Variants in WSB1 observed in about 807,000 individuals in gnomAD.
The protein encoded by WSB1 is WD repeat and SOCS box containing 1.
WSB1 carries 23 observed loss-of-function variants against 50.2 expected under a neutral mutation model. The ratio of observed to expected loss-of-function variants is 0.46; its 90% confidence interval spans 0.33 to 0.65. WSB1 has a LOEUF of 0.65. WSB1 is among the 30% of genes least tolerant of loss of function. The pLI, the probability that WSB1 is intolerant of heterozygous loss-of-function variation, is 0.02. For missense variants in WSB1, 492 were observed against 522.3 expected, an observed-to-expected ratio of 0.94 and a Z score of 0.56; for synonymous variants, 179 against 172.0, an observed-to-expected ratio of 1.04 and a Z score of -0.32.
intron 3 of WSB1, 121 bp downstream of exon 3, chr17:27,303,756 G>A (rs914513963): frequency 1.7e-5 from 22 of 1,274,372 alleles, no homozygotes; most frequent in Non-Finnish European, 2.3e-5. Flanking sequence ...GATGGCATAG[G>A]TGCGTCTTTA....
intron 1 of WSB1, among the ~76,000 whole-genome samples, chr17:27,296,569 C>T (rs1298708649): frequency 6.6e-6 from 1 of 152,162 alleles, no homozygotes; most frequent in Non-Finnish European, 1.5e-5. Flanking sequence ...TTCTGTGATA[C>T]TACTGCCTTG....
In WSB1 at chr17:27,309,105, C is replaced by G. The variant is rs199550651; in HGVS notation, c.717C>G (p.Phe239Leu). The change falls in exon 6 of 9, where the codon TTC (phenylalanine) becomes TTG (leucine). Residue 239 changes from phenylalanine (F) to leucine (L), a missense_variant. Physicochemically the swap from Phe to Leu is conservative, Grantham distance 22. Transcript: ENST00000262394. ...LCSVGASKAV[F>L]LWNMDKYTMI... ...CATTTGCCTTTTTATTGCAGGTTTT[C>G]CTTTGGAATATGGATAAATACACCA... 2 of 1,594,624 alleles carry G rather than the reference C, an allele frequency of 1.3e-6. No individual in the cohort carries two copies. Among genetic ancestry groups the G allele is most frequent in the East Asian group, 4.5e-5 (2 of 44,456 alleles).
At chr17:27,294,705 C>G (rs1257940253) in intron 1 of WSB1, among the ~76,000 whole-genome samples, 2 of 152,150 alleles carry the variant, frequency 1.3e-5, no homozygotes, top group African/African-American at 4.8e-5. Context: ...GAGGTCCGCG[C>G]AGGGCTCTTG....
At position 27,312,359 on chromosome 17, in the gene WSB1, A is replaced by T; in HGVS notation, c.1256A>T (p.Tyr419Phe). 2 of 1,614,060 alleles carry T rather than the reference A, an allele frequency of 1.2e-6. No individual in the cohort carries two copies. Among genetic ancestry groups the T allele is most frequent in the Non-Finnish European group, 1.7e-6 (2 of 1,179,998 alleles). Reference protein sequence around the residue: ...IPSKLLEFLSYRI With the variant: ...IPSKLLEFLSFRI Reference sequence around the variant, plus strand: ...TCCAAGCTTTTGGAGTTTCTCTCGTATCGTATTTAGAAGATTCTGCCTTCC... The same window carrying T: ...TCCAAGCTTTTGGAGTTTCTCTCGTTTCGTATTTAGAAGATTCTGCCTTCC... Residue 419 changes from tyrosine to phenylalanine, a missense_variant, in exon 9 of 9, where the codon TAT becomes TTT. Transcript: ENST00000262394.
At chr17:27,299,384 G>A (rs1357902696) in intron 1 of WSB1, among the ~76,000 whole-genome samples, 1 of 152,036 alleles carries the variant, frequency 6.6e-6, no homozygotes, top group Non-Finnish European at 1.5e-5. Context: ...AGTGGTGCAT[G>A]TCTGTGGTCC....
chr17:27,303,547 A>G lies in WSB1; in HGVS notation c.390A>G (p.Glu130=), dbSNP rs764104969. 1.5e-4 allele frequency: 239 copies of G among 1,614,074 alleles called. 1 individual carries two copies. Among genetic ancestry groups the G allele is most frequent in the Admixed American group, 1.1e-3 (65 of 59,996 alleles). The change falls in exon 3 of 9, where the codon GAA becomes GAG. Residue 130 remains glutamate (E), a synonymous_variant. Coordinates refer to ENST00000262394, the MANE Select transcript of WSB1 (RefSeq NM_015626.10). ...PEKQSRCVNI[E]WHRFRFGQDQ... ...AACAGAGTCGCTGTGTAAATATAGA[A>G]TGGCATCGCTTCAGATTTGGACAAG... is the stretch of plus-strand genomic sequence containing the variant.
At chr17:27,303,785 CCTT>C in intron 3 of WSB1, 150 bp downstream of exon 3, 2 of 891,472 alleles carry the variant, frequency 2.2e-6, no homozygotes, top group Non-Finnish European at 3.4e-6. Context: ...CTGAATGTCA[CCTT>C]CTTCAGCTCA....
At position 27,315,306 on chromosome 17, in the gene WSB1, T is replaced by A. The variant is rs912098940; in HGVS notation, c.*2937T>A. On this transcript the variant is annotated 3_prime_UTR_variant, in exon 9 of 9. Coordinates refer to ENST00000262394, the MANE Select transcript of WSB1 (RefSeq NM_015626.10). ...TCAGATTTAATTTTCTGTTTTAGAATCCCATGGAGTACATGTGAACATAGG... is the reference window on the plus strand; with the variant it reads ...TCAGATTTAATTTTCTGTTTTAGAAACCCATGGAGTACATGTGAACATAGG... 1 of 152,212 alleles carries A rather than the reference T, an allele frequency of 6.6e-6. No homozygotes were observed. Among genetic ancestry groups the A allele is most frequent in the African/African-American group, 2.4e-5 (1 of 41,458 alleles). The allele number at this position is 152,212 out of a possible 1,614,324, so 9.4% of individuals were successfully genotyped here.
In WSB1 at chr17:27,315,331, G is replaced by A. The variant is rs2017809836; in HGVS notation, c.*2962G>A. On this transcript the variant is annotated 3_prime_UTR_variant, in exon 9 of 9. Coordinates refer to ENST00000262394, the MANE Select transcript of WSB1 (RefSeq NM_015626.10). Reference sequence around the variant, plus strand: ...TCCCATGGAGTACATGTGAACATAGGAAAATCACACTCAGCAGCCAAGCTA... The same window carrying A: ...TCCCATGGAGTACATGTGAACATAGAAAAATCACACTCAGCAGCCAAGCTA... The A allele has an allele frequency of 6.6e-6, 1 of 152,188 alleles. No homozygotes were observed. The highest frequency in any genetic ancestry group is 2.4e-5 in the African/African-American group (1 of 41,452). The allele number at this position is 152,188 out of a possible 1,614,324, so 9.4% of individuals were successfully genotyped here. A position where few individuals can be genotyped will look rare whatever the true frequency, so the allele number is the denominator to read the frequency against.
intron 1 of WSB1, among the ~76,000 whole-genome samples, chr17:27,300,423 G>A (rs1267079264): frequency 6.6e-6 from 1 of 152,136 alleles, no homozygotes; most frequent in African/African-American, 2.4e-5. Context: ...GGAAATTGTA[G>A]CTGAGTTTGC....
At chr17:27,299,429 T>G (rs1482369385) in intron 1 of WSB1, among the ~76,000 whole-genome samples, 2 of 152,220 alleles carry the variant, frequency 1.3e-5, no homozygotes, top group East Asian at 3.8e-4. Flanking sequence ...GAGGATCGCC[T>G]GAGCCTGGGA....
chr17:27,310,231 C>T, intron 7 of WSB1, 57 bp downstream of exon 7: 1 of 1,515,760 alleles, frequency 6.6e-7, no homozygotes, highest in Non-Finnish European at 9.1e-7. Flanking sequence ...ATTCTTAAGC[C>T]TTAAAGCCTT....
rs143206222 is a variant in WSB1 at position 27,294,561 on chromosome 17, T to TA, written c.40+127dup. ...CTCCAGTGCGCCAGGGCCAGCCCAC[T>TA]AGCGAGGAGGAGGAAGCCGCCTCGG... is the stretch of plus-strand genomic sequence containing the variant. On this transcript the variant is annotated intron_variant, in intron 1 of 8. Coordinates refer to ENST00000262394, the MANE Select transcript of WSB1 (RefSeq NM_015626.10). 4.2e-4 allele frequency: 574 copies of TA among 1,352,070 alleles called. 2 individuals carry two copies. In the African/African-American group the frequency reaches 7.6e-3, roughly 18 times the overall value. The allele number at this position is 1,352,070 out of a possible 1,614,324, so 83.8% of individuals were successfully genotyped here.
At chr17:27,303,812 G>A (rs1420762437) in intron 3 of WSB1, 177 bp downstream of exon 3, 10 of 719,642 alleles carry the variant, frequency 1.4e-5, no homozygotes, top group Non-Finnish European at 2.2e-5. Context: ...TTTTAATTTA[G>A]GAAAACTATG....
chr17:27,301,889 T>C lies in WSB1; in HGVS notation c.142T>C (p.Tyr48His), dbSNP rs2017246071. Residue 48 changes from tyrosine (Y) to histidine (H), a missense_variant, in exon 2 of 9, where the codon TAC (tyrosine) becomes CAC (histidine). By Grantham distance (83) the Tyr-to-His change is moderately conservative. Coordinates refer to ENST00000262394, the MANE Select transcript of WSB1 (RefSeq NM_015626.10). ...WTVAFAPDGSYFAWSQGHRTV... is the reference protein window; with the variant it reads ...WTVAFAPDGSHFAWSQGHRTV... ...TGTTGCTTTTGCTCCAGATGGTTCA[T>C]ACTTTGCTTGGTCACAAGGACATCG... 1.2e-6 allele frequency: 2 copies of C among 1,613,888 alleles called. No individual in the cohort carries two copies. Among genetic ancestry groups the C allele is most frequent in the African/African-American group, 2.7e-5 (2 of 75,046 alleles).
At chr17:27,307,555 T>A in intron 5 of WSB1, 1 of 580,164 alleles carries the variant, frequency 1.7e-6, no homozygotes, top group Non-Finnish European at 3.0e-6. Flanking sequence ...TAATGGAGGG[T>A]GGGAGGCTAG....
intron 2 of WSB1, 56 bp from the exon 3 acceptor site, chr17:27,303,311 C>T: frequency 1.3e-6 from 2 of 1,559,820 alleles, no homozygotes; most frequent in Non-Finnish European, 1.7e-6. Flanking sequence ...ATTCAATGTC[C>T]AGAGGAGTCC....
In WSB1 at chr17:27,312,339, G is replaced by A; in HGVS notation, c.1236G>A (p.Lys412=). The part of the protein sequence containing the change: ...QEVQELPIPS[K]LLEFLSYRI Reference sequence around the variant, plus strand: ...TTCAGGAGCTGCCGATTCCTTCCAAGCTTTTGGAGTTTCTCTCGTATCGTA... The same window carrying A: ...TTCAGGAGCTGCCGATTCCTTCCAAACTTTTGGAGTTTCTCTCGTATCGTA... The change falls in exon 9 of 9, where the codon AAG becomes AAA. Residue 412 remains lysine (K), a synonymous_variant. Coordinates refer to ENST00000262394, the MANE Select transcript of WSB1 (RefSeq NM_015626.10). The A allele has an allele frequency of 6.8e-6, 11 of 1,614,092 alleles. No individual in the cohort carries two copies. The highest frequency in any genetic ancestry group is 9.3e-6 in the Non-Finnish European group (11 of 1,180,008).
intron 2 of WSB1, 76 bp from the exon 3 acceptor site, chr17:27,303,291 A>C: frequency 1.4e-6 from 2 of 1,472,296 alleles, no homozygotes; most frequent in South Asian, 2.6e-5. Flanking sequence ...TTTAACAAAC[A>C]CTTGTAATTA....
Sources: allele counts gnomAD v4.1 joint callset (sites outside exome capture counted in the v4.1 genomes callset), GRCh38; gene constraint gnomAD v4.1.1; transcripts MANE v1.5; gene names NCBI Gene and HGNC (gene_info 2026-07-23, HGNC 2026-07-21).